The following DPYSL3 variants were observed in gnomAD, a reference collection of about 807,000 sequenced individuals.
The protein encoded by DPYSL3 is dihydropyrimidinase-related protein 3.
DPYSL3 carries 16 observed loss-of-function variants against 66.1 expected under a neutral mutation model. The ratio of observed to expected loss-of-function variants is 0.24; its 90% CI spans 0.16 to 0.37. DPYSL3 has a LOEUF of 0.37. Among genes scored for constraint, DPYSL3 ranks in the 10% least tolerant of loss-of-function variants. The pLI, the probability that DPYSL3 is intolerant of heterozygous loss-of-function variation, is 1.00. For missense variants in DPYSL3, 738 were observed against 916.2 expected (o/e 0.81, Z 2.51); for synonymous variants, 338 against 345.1 (o/e 0.98, Z 0.23).
At chr5:147,453,797 C>T in intron 1 of DPYSL3, 6 of 1,265,866 alleles carry the variant, frequency 4.7e-6, no homozygotes, top group Non-Finnish European at 6.0e-6. Context: ...CCCTTTCACC[C>T]CCGCCCCCCC....
chr5:147,394,140 A>G lies in DPYSL3; in HGVS notation c.1967-17T>C. 1 of 1,612,200 alleles carries G rather than the reference A, an allele frequency of 6.2e-7. No individual in the cohort carries two copies. The highest frequency in any genetic ancestry group is 1.1e-5 in the South Asian group (1 of 91,026). On this transcript the variant is annotated splice_polypyrimidine_tract_variant and intron_variant, in intron 13 of 13. Transcript: ENST00000343218. The stretch of plus-strand genomic sequence containing the variant: ...CTTGGGTGCCTACAGTTGGAAATAA[A>G]TTCCCAGGGGGAAAAAAAAAACAGA...
rs375562963 is a variant in DPYSL3 at position 147,470,601 on chromosome 5, T to C, written c.381+38877A>G. Among the ~76,000 whole-genome samples, 8 of 152,226 alleles carry C rather than the reference T, an allele frequency of 5.3e-5. No homozygotes were observed. In the East Asian group the frequency reaches 1.5e-3, roughly 29 times the overall value. ...AAACTCAAGATTCTTGATACGATGT[T>C]TGACACTCTCCACACTTGACCTCTG... is the stretch of plus-strand genomic sequence containing the variant. On this transcript the variant is annotated intron_variant, in intron 1 of 13. Transcript: ENST00000343218.
chr5:147,414,457 T>G (rs1220304378), intron 4 of DPYSL3, among the ~76,000 whole-genome samples: 1 of 152,082 alleles, frequency 6.6e-6, no homozygotes, highest in Admixed American at 6.6e-5. Flanking sequence ...GGGGGATAAT[T>G]TTGGTCTCTA....
In DPYSL3 at chr5:147,392,302, A is replaced by C. The variant is rs1205355088; in HGVS notation, c.*1733T>G. On this transcript the variant is annotated 3_prime_UTR_variant, in exon 14 of 14. Coordinates refer to ENST00000343218, the MANE Select transcript of DPYSL3 (RefSeq NM_001197294.2). The stretch of plus-strand genomic sequence containing the variant: ...GAAATAGTCTTTTTTCATGATTTGA[A>C]CAGAAGGTAGCTTGCTAGGGGAAAT... 6.6e-6 allele frequency: 1 copy of C among 152,222 alleles called. No homozygotes were observed. The highest frequency in any genetic ancestry group is 1.5e-5 in the Non-Finnish European group (1 of 68,038). 9.4% of individuals were successfully genotyped at this position (152,222 alleles called of 1,614,324 possible). A position where few individuals can be genotyped will look rare whatever the true frequency, so the allele number is the denominator to read the frequency against.
At chr5:147,450,763 G>T (rs1561792930) in intron 1 of DPYSL3, among the ~76,000 whole-genome samples, 1 of 152,174 alleles carries the variant, frequency 6.6e-6, no homozygotes, top group African/African-American at 2.4e-5. Context: ...GTGGTAGAAA[G>T]TAGTTCCCAG....
At chr5:147,405,391 C>T (rs982398042) in intron 8 of DPYSL3, among the ~76,000 whole-genome samples, 4 of 152,330 alleles carry the variant, frequency 2.6e-5, no homozygotes, top group Non-Finnish European at 5.9e-5. Context: ...GCTGTGTCAT[C>T]TTGGACAACT....
chr5:147,423,661 G>A (rs1271310327), intron 2 of DPYSL3, among the ~76,000 whole-genome samples: 1 of 151,972 alleles, frequency 6.6e-6, no homozygotes, highest in African/African-American at 2.4e-5. Flanking sequence ...GACTAACAGT[G>A]TCAGAATTGC....
intron 1 of DPYSL3, among the ~76,000 whole-genome samples, chr5:147,492,842 C>A (rs1370747760): frequency 1.3e-5 from 2 of 152,090 alleles, no homozygotes; most frequent in African/African-American, 4.8e-5. Context: ...CCATCTGTAA[C>A]AATAATCACC....
intron 1 of DPYSL3, among the ~76,000 whole-genome samples, chr5:147,508,375 T>C (rs116269127): frequency 0.02 from 3,091 of 152,336 alleles, 46 homozygotes; most frequent in Middle Eastern, 0.095. Flanking sequence ...AAGCATTAAC[T>C]GTAATTGCTC....
At chr5:147,459,234 T>G (rs1248402686) in intron 1 of DPYSL3, among the ~76,000 whole-genome samples, 2 of 152,156 alleles carry the variant, frequency 1.3e-5, no homozygotes, top group Non-Finnish European at 2.9e-5. Flanking sequence ...TAAAAATACA[T>G]TTATATGTTG....
At chr5:147,394,967 A>T (rs1757926045) in intron 13 of DPYSL3, among the ~76,000 whole-genome samples, 2 of 152,146 alleles carry the variant, frequency 1.3e-5, no homozygotes. Flanking sequence ...CCATTTTAAG[A>T]CTACTGGTTA....
At chr5:147,489,488 A>G (rs1182586767) in intron 1 of DPYSL3, among the ~76,000 whole-genome samples, 1 of 152,190 alleles carries the variant, frequency 6.6e-6, no homozygotes, top group Non-Finnish European at 1.5e-5. Flanking sequence ...TTTCTGGATT[A>G]TGTGGATATT....
Position 147,401,692 on chromosome 5 carries a change from A to G in DPYSL3, c.1158T>C (p.Asn386=). The G allele has an allele frequency of 6.2e-7, 1 of 1,614,038 alleles. No individual in the cohort carries two copies. Among genetic ancestry groups the G allele is most frequent in the Non-Finnish European group, 8.5e-7 (1 of 1,180,002 alleles). The part of the protein sequence containing the change: ...DLISQARKKG[N]VVFGEPITAS... ...CAGTGATGGGCTCACCAAAGACTAC[A>G]TTTCCTAGAAGGGGCAGGAAACAGA... The change falls in exon 9 of 14, where the codon AAT becomes AAC. Residue 386 remains asparagine, a synonymous_variant. Coordinates refer to ENST00000343218, the MANE Select transcript of DPYSL3 (RefSeq NM_001197294.2).
chr5:147,419,520 G>C (rs1055555051), intron 2 of DPYSL3, among the ~76,000 whole-genome samples: 1 of 152,188 alleles, frequency 6.6e-6, no homozygotes, highest in Admixed American at 6.5e-5. Flanking sequence ...TCACATTTTT[G>C]ATTAAAATAG....
intron 1 of DPYSL3, among the ~76,000 whole-genome samples, chr5:147,434,572 T>C (rs1752381602): frequency 6.6e-6 from 1 of 152,198 alleles, no homozygotes; most frequent in Non-Finnish European, 1.5e-5. Flanking sequence ...CTGAAACATA[T>C]GCTAGTGTAA....
intron 2 of DPYSL3, among the ~76,000 whole-genome samples, chr5:147,422,553 T>C (rs906024960): frequency 1.3e-5 from 2 of 152,190 alleles, no homozygotes; most frequent in African/African-American, 4.8e-5. Context: ...CATGCACACG[T>C]ATGTTTATTG....
intron 1 of DPYSL3, among the ~76,000 whole-genome samples, chr5:147,463,624 A>G (rs1019972447): frequency 6.6e-6 from 1 of 152,130 alleles, no homozygotes; most frequent in Non-Finnish European, 1.5e-5. Context: ...GACATCTGCC[A>G]GGCTCTGCCA....
intron 1 of DPYSL3, among the ~76,000 whole-genome samples, chr5:147,434,664 T>C (rs983143692): frequency 1.4e-5 from 2 of 147,204 alleles, no homozygotes; most frequent in Admixed American, 7.0e-5. Flanking sequence ...GGATCGCAAA[T>C]AGTAATGTGA....
chr5:147,447,644 G>T (rs1395962681), intron 1 of DPYSL3, among the ~76,000 whole-genome samples: 1 of 152,186 alleles, frequency 6.6e-6, no homozygotes, highest in African/African-American at 2.4e-5. Flanking sequence ...GCTGAGGCAG[G>T]TGGATCACCT....
Sources: allele counts gnomAD v4.1 joint callset (sites outside exome capture counted in the v4.1 genomes callset), GRCh38; gene constraint gnomAD v4.1.1; transcripts MANE v1.5; gene names NCBI Gene and HGNC (gene_info 2026-07-23, HGNC 2026-07-21).